PRIMPOL: variants seen among roughly 807,000 people sequenced by gnomAD.
The protein encoded by PRIMPOL is DNA-directed primase/polymerase protein.
In PRIMPOL, 54 loss-of-function variants were observed where a neutral mutation model predicts 63.6. That is an observed-to-expected ratio of 0.85 (90% CI 0.68 to 1.07). The LOEUF (loss-of-function observed/expected upper bound fraction) is 1.07. Among genes scored for constraint, PRIMPOL ranks in the 50% least tolerant of loss-of-function variants. PRIMPOL has a pLI of 0.00. For synonymous variants in PRIMPOL, 197 were observed against 220.2 expected (o/e 0.89, Z 0.93); for missense variants, 610 against 648.3 (o/e 0.94, Z 0.64).
intron 11 of PRIMPOL, among the ~76,000 whole-genome samples, chr4:184,691,194 C>T (rs575858117): frequency 6.6e-6 from 1 of 152,118 alleles, no homozygotes; most frequent in Non-Finnish European, 1.5e-5. Context: ...ATTTGTTTAT[C>T]ATTGTGGTCC....
At chr4:184,668,942 A>G (rs761905887) in intron 6 of PRIMPOL, among the ~76,000 whole-genome samples, 30 of 151,962 alleles carry the variant, frequency 2.0e-4, no homozygotes, top group Non-Finnish European at 4.0e-4. Flanking sequence ...ACAAGTCGGC[A>G]GCCTCATCTC....
chr4:184,664,691 A>G (rs1749337761), intron 5 of PRIMPOL, among the ~76,000 whole-genome samples: 1 of 152,238 alleles, frequency 6.6e-6, no homozygotes, highest in Non-Finnish European at 1.5e-5. Flanking sequence ...ACCCTGCTGT[A>G]GAGGAGCCTG....
intron 7 of PRIMPOL, among the ~76,000 whole-genome samples, chr4:184,676,258 G>A (rs901520682): frequency 2.6e-5 from 4 of 151,126 alleles, no homozygotes; most frequent in African/African-American, 9.7e-5. Context: ...AAGTGCATAC[G>A]ACCACACTTT....
rs535823931 is a variant in PRIMPOL at position 184,680,748 on chromosome 4, AT to A, written c.1008-1497del. 1.1e-3 allele frequency among the ~76,000 whole-genome samples: 162 copies of A among 152,282 alleles called. 3 individuals carry two copies. In the South Asian group the frequency reaches 0.031, roughly 30 times the overall value. On this transcript the variant is annotated intron_variant, in intron 8 of 13. Transcript: ENST00000314970. ...CCTATCTTACGGAGTTGTCGAGAGG[AT>A]TTAAAAAGTTAAAACTGCACATAAA...
chr4:184,682,831 C>T (rs1393187157), intron 9 of PRIMPOL, among the ~76,000 whole-genome samples: 2 of 152,012 alleles, frequency 1.3e-5, no homozygotes, highest in African/African-American at 2.4e-5. Flanking sequence ...GGGAGGATCA[C>T]TTGAGCCCAG....
chr4:184,671,440 C>CATT (rs141634593), intron 6 of PRIMPOL, among the ~76,000 whole-genome samples: 19,719 of 151,804 alleles, frequency 0.13, 1,372 homozygotes, highest in Middle Eastern at 0.18. Context: ...CTTCATTCTT[C>CATT]ATTATTATTA....
At chr4:184,661,687 C>A in intron 4 of PRIMPOL, 87 bp from the exon 5 acceptor site, 1 of 868,666 alleles carries the variant, frequency 1.2e-6, no homozygotes, top group Non-Finnish European at 1.7e-6. Context: ...GCCTGGGCAA[C>A]AGAGCTGACT....
Position 184,688,400 on chromosome 4 carries a change from A to G in PRIMPOL, c.1295+2716A>G, listed in dbSNP as rs57849460. Among the ~76,000 whole-genome samples the G allele has an allele frequency of 6.6e-5, 10 of 152,372 alleles. No individual in the cohort carries two copies. In the East Asian group the frequency reaches 1.5e-3, roughly 23 times the overall value. On this transcript the variant is annotated intron_variant, in intron 11 of 13. Transcript: ENST00000314970. ...AAACAATATTGTAGTTTTCTTGGGAATTTCCCTGATTACTAATGAAGTTGA... is the reference window on the plus strand; with the variant it reads ...AAACAATATTGTAGTTTTCTTGGGAGTTTCCCTGATTACTAATGAAGTTGA...
chr4:184,660,812 T>C (rs865991362), intron 4 of PRIMPOL, among the ~76,000 whole-genome samples: 1 of 152,212 alleles, frequency 6.6e-6, no homozygotes, highest in African/African-American at 2.4e-5. Flanking sequence ...TTCACATAAC[T>C]TTTCCCTCTT....
At chr4:184,690,101 G>A (rs1228978833) in intron 11 of PRIMPOL, among the ~76,000 whole-genome samples, 1 of 152,216 alleles carries the variant, frequency 6.6e-6, no homozygotes, top group South Asian at 2.1e-4. Context: ...CTGCCATGGG[G>A]AGTGTTAACC....
At chr4:184,661,000 G>A (rs1748170679) in intron 4 of PRIMPOL, among the ~76,000 whole-genome samples, 1 of 152,088 alleles carries the variant, frequency 6.6e-6, no homozygotes, top group Non-Finnish European at 1.5e-5. Context: ...TCAAAGTCAG[G>A]TGATTCAGAA....
rs560672595 is a variant in PRIMPOL at position 184,683,119 on chromosome 4, T to C, written c.1096+783T>C. Among the ~76,000 whole-genome samples, 4 of 151,842 alleles carry C rather than the reference T, an allele frequency of 2.6e-5. No homozygotes were observed. In the South Asian group the frequency reaches 8.3e-4, roughly 32 times the overall value. On this transcript the variant is annotated intron_variant, in intron 9 of 13. Coordinates refer to ENST00000314970, the MANE Select transcript of PRIMPOL (RefSeq NM_152683.4). ...TTTTCTATCTCAAATGGAAAAAGTA[T>C]GAGAAAGATGTTTATTAAGAAGTAT...
At chr4:184,691,995 A>G (rs1174162283) in intron 13 of PRIMPOL, among the ~76,000 whole-genome samples, 3 of 151,784 alleles carry the variant, frequency 2.0e-5, no homozygotes, top group African/African-American at 7.3e-5. Context: ...GTAACAAAAT[A>G]CCCATCTTTG....
chr4:184,691,059 A>G (rs1426559190), intron 11 of PRIMPOL, among the ~76,000 whole-genome samples: 3 of 152,228 alleles, frequency 2.0e-5, no homozygotes, highest in African/African-American at 7.2e-5. Flanking sequence ...TACCTATTAG[A>G]TCAAACTTCT....
intron 6 of PRIMPOL, among the ~76,000 whole-genome samples, chr4:184,670,477 CT>C (rs929352307): frequency 1.4e-4 from 21 of 151,778 alleles, no homozygotes; most frequent in African/African-American, 4.8e-4. Flanking sequence ...GCACCAAATG[CT>C]TTTGCTTTGA....
intron 8 of PRIMPOL, among the ~76,000 whole-genome samples, chr4:184,681,288 C>CA (rs1755550422): frequency 6.6e-6 from 1 of 152,036 alleles, no homozygotes; most frequent in South Asian, 2.1e-4. Flanking sequence ...ATTGTTGTAA[C>CA]AAAAAATTCA....
At chr4:184,650,021 T>A (rs557378600) in intron 1 of PRIMPOL, 113 bp downstream of exon 1, 1 of 152,284 alleles carries the variant, frequency 6.6e-6, no homozygotes, top group South Asian at 2.1e-4. Context: ...AGGCTAGAAA[T>A]AACCAGGTCC....
At chr4:184,691,761 C>A in intron 13 of PRIMPOL, 49 bp downstream of exon 13, 1 of 1,400,808 alleles carries the variant, frequency 7.1e-7, no homozygotes, top group Non-Finnish European at 1.0e-6. Context: ...GTTCTTGGTA[C>A]AATAGTATAC....
At chr4:184,671,951 A>G (rs1456457531) in intron 6 of PRIMPOL, among the ~76,000 whole-genome samples, 13 of 151,922 alleles carry the variant, frequency 8.6e-5, no homozygotes, top group South Asian at 2.1e-4. Flanking sequence ...CGTGTTAACC[A>G]GGATGGTCTC....
Sources: gnomAD v4.1 joint callset for allele counts (sites outside exome capture counted in the v4.1 genomes callset) on GRCh38, gnomAD v4.1.1 for gene constraint, MANE v1.5 for transcripts, NCBI Gene and HGNC (gene_info 2026-07-23, HGNC 2026-07-21) for gene names.